The following CELSR1 variants were observed in gnomAD, a reference collection of about 807,000 sequenced individuals.
CELSR1 encodes cadherin EGF LAG seven-pass G-type receptor 1.
In CELSR1, 110 loss-of-function variants were observed where a neutral mutation model predicts 249.1. That is an observed-to-expected ratio of 0.44 (90% confidence interval 0.38 to 0.52). The LOEUF is 0.52. CELSR1 is among the 20% of genes least tolerant of loss of function. The pLI is 0.00. For missense variants in CELSR1, 4,109 were observed against 4,296.4 expected, an observed-to-expected ratio of 0.96 and a Z score of 1.22; for synonymous variants, 2,113 against 1,900.0, an observed-to-expected ratio of 1.11 and a Z score of -2.92.
rs2080174657 is a variant in CELSR1, at chr22:46,473,283, T to C, written c.3545-8938A>G. Among the ~76,000 whole-genome samples the C allele has an allele frequency of 6.6e-6, 1 of 151,908 alleles. No individual in the cohort carries two copies. Among genetic ancestry groups the C allele is most frequent in the South Asian group, 2.1e-4 (1 of 4,816 alleles). On this transcript the variant is annotated intron_variant, in intron 1 of 34. Coordinates refer to ENST00000674500, the MANE Select transcript of CELSR1 (RefSeq NM_001378328.1). This position sits in a 1 kb window ranked among gnomAD's most constrained non-coding sequence, Gnocchi z 6.6. ...CTCGGGCTGAGTGGCGGGGCCCAGATTAACCTGAGGCCAAGTCCCCAGTGA... is the reference window on the plus strand; with the variant it reads ...CTCGGGCTGAGTGGCGGGGCCCAGACTAACCTGAGGCCAAGTCCCCAGTGA...
chr22:46,525,539 G>A (rs897981330), intron 1 of CELSR1, among the ~76,000 whole-genome samples: 1 of 152,064 alleles, frequency 6.6e-6, no homozygotes, highest in Non-Finnish European at 1.5e-5. Context: ...ATATGAACCC[G>A]TGTGTTCAGG....
rs748451015 is a variant in CELSR1, at chr22:46,410,453, G to A, written c.4878C>T (p.Val1626=). 56 of 1,614,052 alleles carry A rather than the reference G, an allele frequency of 3.5e-5. No individual in the cohort carries two copies. Among genetic ancestry groups the A allele is most frequent in the East Asian group, 6.7e-5 (3 of 44,844 alleles). ...CGGCCATGTCCACATTTTTGCCGTC[G>A]ACTGACAGGTTCCGCATGCAGCCCA... ...QFVGCMRNLS[V]DGKNVDMAGF... Residue 1626 remains valine (V), a synonymous_variant, in exon 7 of 35, where the codon GTC becomes GTT. Transcript: ENST00000674500. This position sits in a 1 kb window ranked among gnomAD's most constrained non-coding sequence, Gnocchi z 6.8.
At chr22:46,519,606 C>A (rs1038890697) in intron 1 of CELSR1, among the ~76,000 whole-genome samples, 1 of 152,126 alleles carries the variant, frequency 6.6e-6, no homozygotes, top group Admixed American at 6.5e-5. Context: ...CCTTCCTGGG[C>A]GGGGTTGGGA....
Position 46,399,856 on chromosome 22 carries a change from T to A in CELSR1, c.5273A>T (p.Asp1758Val). The change falls in exon 10 of 35, where the codon GAT becomes GTT. Residue 1758 changes from aspartate to valine, a missense_variant. Transcript: ENST00000674500. This position sits in a 1 kb window ranked among gnomAD's most constrained non-coding sequence, Gnocchi z 5.0. ...LQFEVSHGPS[D>V]VESVMLSGLR... Reference sequence around the variant, plus strand: ...CCCGGACAGCATCACGGACTCCACATCGGAGGGGCCGTGGGACACCTCAAA... The same window carrying A: ...CCCGGACAGCATCACGGACTCCACAACGGAGGGGCCGTGGGACACCTCAAA... The A allele has an allele frequency of 6.2e-7, 1 of 1,614,084 alleles. No homozygotes were observed. The highest frequency in any genetic ancestry group is 8.5e-7 in the Non-Finnish European group (1 of 1,179,988).
At chr22:46,370,431 A>C (rs1423294259) in intron 25 of CELSR1, among the ~76,000 whole-genome samples, 1 of 149,668 alleles carries the variant, frequency 6.7e-6, no homozygotes, top group East Asian at 1.9e-4. Context: ...CCACACACAC[A>C]CCCCCGAAAC....
At chr22:46,498,179 G>T (rs2080431192) in intron 1 of CELSR1, among the ~76,000 whole-genome samples, 1 of 144,476 alleles carries the variant, frequency 6.9e-6, no homozygotes, top group South Asian at 2.3e-4. Flanking sequence ...AACACGGGAG[G>T]TGGAGGTTGC....
In CELSR1 at chr22:46,399,819, G is replaced by A. The variant is rs144157544; in HGVS notation, c.5310C>T (p.Thr1770=). 1,351 of 1,614,056 alleles carry A rather than the reference G, an allele frequency of 8.4e-4. 3 individuals are homozygous for A. The highest frequency in any genetic ancestry group is 6.9e-3 in the Middle Eastern group (42 of 6,062). ...TCAGCAGGTGGTGCCACTCCCCGTC[G>A]GTCACCCGCAACCCGGACAGCATCA... The part of the protein sequence containing the change: ...ESVMLSGLRV[T]DGEWHHLLIE... The change falls in exon 10 of 35, where the codon ACC becomes ACT. Residue 1770 remains threonine, a synonymous_variant. Transcript: ENST00000674500. This position sits in a 1 kb window ranked among gnomAD's most constrained non-coding sequence, Gnocchi z 5.0.
chr22:46,384,637 G>C lies in CELSR1; in HGVS notation c.6789C>G (p.Val2263=), dbSNP rs942215991. 6.2e-7 allele frequency: 1 copy of C among 1,613,620 alleles called. No individual in the cohort carries two copies. Among genetic ancestry groups the C allele is most frequent in the Non-Finnish European group, 8.5e-7 (1 of 1,179,876 alleles). ...CTTCATGGATGGTGTCGAATCGCGG[G>C]ACCCTGGCTCCCGTAAAGTTGAACT... ...FDKFNFTGAR[V]PRFDTIHEEF... The change falls in exon 20 of 35, where the codon GTC becomes GTG. Residue 2263 remains valine (V), a synonymous_variant. Coordinates refer to ENST00000674500, the MANE Select transcript of CELSR1 (RefSeq NM_001378328.1).
rs773550689 is a variant in CELSR1 at position 46,417,348 on chromosome 22, A to T, written c.4612-5589T>A. Among the ~76,000 whole-genome samples the T allele has an allele frequency of 1.3e-5, 2 of 152,238 alleles. No individual in the cohort carries two copies. The highest frequency in any genetic ancestry group is 4.8e-5 in the African/African-American group (2 of 41,458). ...CTTCCAGAATTCAAACTGGCCTCCC[A>T]GGAGCCTCGGACAGGACTTTGCCAG... On this transcript the variant is annotated intron_variant, in intron 5 of 34. Coordinates refer to ENST00000674500, the MANE Select transcript of CELSR1 (RefSeq NM_001378328.1). The surrounding 1 kb of genome is among the most constrained non-coding windows in gnomAD (Gnocchi z 4.1).
chr22:46,389,195 C>G lies in CELSR1; in HGVS notation c.6555+95G>C, dbSNP rs1201862428. ...GGATCCTGGACACAACCGTCTTCCA[C>G]GAACTGAGGTAGACGCCCAGCCCCA... is the stretch of plus-strand genomic sequence containing the variant. On this transcript the variant is annotated intron_variant, in intron 18 of 34. Transcript: ENST00000674500. 2.2e-6 allele frequency: 3 copies of G among 1,344,110 alleles called. No individual in the cohort carries two copies. The African/African-American group carries it at 4.3e-5, about 19-fold the overall frequency. 83.3% of individuals were successfully genotyped at this position (1,344,110 alleles called of 1,614,324 possible).
At chr22:46,485,820 C>T (rs1250339603) in intron 1 of CELSR1, among the ~76,000 whole-genome samples, 1 of 152,002 alleles carries the variant, frequency 6.6e-6, no homozygotes, top group African/African-American at 2.4e-5. Flanking sequence ...GTTCTGCAAA[C>T]GTGAACCCGT....
At position 46,429,360 on chromosome 22, in the gene CELSR1, C is replaced by A. The variant is rs1030358792; in HGVS notation, c.4611+4033G>T. On this transcript the variant is annotated intron_variant, in intron 5 of 34. Transcript: ENST00000674500. The surrounding 1 kb of genome is among the most constrained non-coding windows in gnomAD (Gnocchi z 4.1). The stretch of plus-strand genomic sequence containing the variant: ...GGGAAAAAACAAACAAACAAACAAA[C>A]AAAAAACCAGCCTGGGGTGAAGCAA... 6.6e-6 allele frequency among the ~76,000 whole-genome samples: 1 copy of A among 152,126 alleles called. No individual in the cohort carries two copies. The highest frequency in any genetic ancestry group is 1.5e-5 in the Non-Finnish European group (1 of 68,022).
At chr22:46,502,692 A>G (rs1014491310) in intron 1 of CELSR1, among the ~76,000 whole-genome samples, 2 of 152,148 alleles carry the variant, frequency 1.3e-5, no homozygotes, top group Non-Finnish European at 2.9e-5. Context: ...ACATGGGGAA[A>G]TCGAGATTCT....
chr22:46,394,346 A>G, intron 13 of CELSR1, 84 bp from the exon 14 acceptor site: 2 of 1,488,924 alleles, frequency 1.3e-6, no homozygotes, highest in Non-Finnish European at 1.8e-6. Flanking sequence ...CAGCATGGAG[A>G]TGGTTGCCCA....
Position 46,535,335 on chromosome 22 carries a change from C to T in CELSR1, c.1836G>A (p.Leu612=), listed in dbSNP as rs776975951. Residue 612 remains leucine (L), a synonymous_variant, in exon 1 of 35, where the codon CTG becomes CTA. Coordinates refer to ENST00000674500, the MANE Select transcript of CELSR1 (RefSeq NM_001378328.1). The stretch of plus-strand genomic sequence containing the variant: ...TCTTAGGCCCAGCGCTGCCGCCCCC[C>T]AGAAAGGTGGAGGCCGTGTCCACCA... ...YRLVDTASTF[L]GGGSAGPKNP... 2 of 1,612,360 alleles carry T rather than the reference C, an allele frequency of 1.2e-6. No individual in the cohort carries two copies. The highest frequency in any genetic ancestry group is 1.1e-5 in the South Asian group (1 of 91,080).
intron 1 of CELSR1, among the ~76,000 whole-genome samples, chr22:46,487,550 GTGCA>G (rs1569197535): frequency 1.0e-3 from 29 of 27,964 alleles, no homozygotes; most frequent in East Asian, 2.5e-3. Flanking sequence ...GGAGTCCACG[GTGCA>G]GTGCAGGTGG....
chr22:46,436,798 C>G lies in CELSR1; in HGVS notation c.4407-509G>C, dbSNP rs1458319400. Among the ~76,000 whole-genome samples the G allele has an allele frequency of 6.6e-6, 1 of 152,182 alleles. No homozygotes were observed. The highest frequency in any genetic ancestry group is 1.5e-5 in the Non-Finnish European group (1 of 68,022). On this transcript the variant is annotated intron_variant, in intron 3 of 34. Coordinates refer to ENST00000674500, the MANE Select transcript of CELSR1 (RefSeq NM_001378328.1). The surrounding 1 kb of genome is among the most constrained non-coding windows in gnomAD (Gnocchi z 5.9). ...ACACAGGTCAAAAAGACCCCAGGGC[C>G]TTTGCACCAGCTGCCCCCTATGCCA... is the stretch of plus-strand genomic sequence containing the variant.
At chr22:46,460,745 G>A (rs4823815) in intron 2 of CELSR1, among the ~76,000 whole-genome samples, 23,788 of 152,068 alleles carry the variant, frequency 0.16, 1,958 homozygotes, top group Non-Finnish European at 0.18. Context: ...TGGGATGGCT[G>A]CAGACCCCAA....
rs138032863 is a variant in CELSR1, at chr22:46,536,106, C to T, written c.1065G>A (p.Gln355=). 351 of 1,612,440 alleles carry T rather than the reference C, an allele frequency of 2.2e-4. 2 individuals carry two copies. In the African/African-American group the frequency reaches 4.1e-3, roughly 19 times the overall value. The change falls in exon 1 of 35, where the codon CAG becomes CAA. Residue 355 remains glutamine (Q), a synonymous_variant. Coordinates refer to ENST00000674500, the MANE Select transcript of CELSR1 (RefSeq NM_001378328.1). ...DTNDHSPVFE[Q]SEYRERVREN... is the part of the protein sequence containing the mutation. ...CCCGCACGCGCTCGCGGTACTCCGACTGCTCGAAGACCGGGCTGTGGTCGT... is the reference window on the plus strand; with the variant it reads ...CCCGCACGCGCTCGCGGTACTCCGATTGCTCGAAGACCGGGCTGTGGTCGT...
Sources: allele counts gnomAD v4.1 joint callset (sites outside exome capture counted in the v4.1 genomes callset), GRCh38; gene constraint gnomAD v4.1.1; non-coding constraint Gnocchi (gnomAD v3.1); transcripts MANE v1.5; gene names NCBI Gene and HGNC (gene_info 2026-07-23, HGNC 2026-07-21).